The following SSBP2 variants were observed in gnomAD, a reference collection of about 807,000 sequenced individuals.
The protein encoded by SSBP2 is single stranded DNA binding protein 2.
In SSBP2, 17 loss-of-function variants were observed where a neutral mutation model predicts 61.8. That is an observed-to-expected ratio of 0.28 (90% CI 0.19 to 0.41). SSBP2 has a LOEUF of 0.41. Among genes scored for constraint, SSBP2 ranks in the 10% least tolerant of loss-of-function variants. The probability of loss-of-function intolerance (pLI) is 1.00; values close to 1 mark genes in which losing one functional copy is unlikely to be tolerated. For missense variants in SSBP2, 310 were observed against 458.7 expected (o/e 0.68, Z 2.96); for synonymous variants, 139 against 141.3 (o/e 0.98, Z 0.12).
At chr5:81,452,548 G>T (rs1441391398) in intron 10 of SSBP2, among the ~76,000 whole-genome samples, 2 of 152,230 alleles carry the variant, frequency 1.3e-5, no homozygotes, top group Non-Finnish European at 2.9e-5. Context: ...TGCTGATGAA[G>T]ATAAGCAAGA....
chr5:81,547,579 G>A (rs1285072063), intron 4 of SSBP2, among the ~76,000 whole-genome samples: 1 of 152,048 alleles, frequency 6.6e-6, no homozygotes, highest in Non-Finnish European at 1.5e-5. Context: ...CAATCTTCCT[G>A]CTTCAGCCTT....
At position 81,476,683 on chromosome 5, in the gene SSBP2, A is replaced by G. The variant is rs566911434; in HGVS notation, c.433-2121T>C. On this transcript the variant is annotated intron_variant, in intron 6 of 16. Coordinates refer to ENST00000320672, the MANE Select transcript of SSBP2 (RefSeq NM_012446.5). ...TTCTACACAGTAATTGATTACTTTT[A>G]GTATAAGAGCTATTCTGAGATTGTC... Among the ~76,000 whole-genome samples, 4 of 152,298 alleles carry G rather than the reference A, an allele frequency of 2.6e-5. No individual in the cohort carries two copies. In the East Asian group the frequency reaches 5.8e-4, roughly 22 times the overall value.
At chr5:81,740,871 C>T (rs1262304233) in intron 1 of SSBP2, among the ~76,000 whole-genome samples, 1 of 152,182 alleles carries the variant, frequency 6.6e-6, no homozygotes, top group Admixed American at 6.5e-5. Context: ...ATAATACTAT[C>T]CACCTTTTTA....
intron 5 of SSBP2, among the ~76,000 whole-genome samples, chr5:81,498,802 A>C (rs1402732812): frequency 6.6e-6 from 1 of 152,048 alleles, no homozygotes; most frequent in Non-Finnish European, 1.5e-5. Context: ...TTAAATAAAT[A>C]ATATTGAGAA....
At chr5:81,483,792 C>G (rs1298574076) in intron 6 of SSBP2, among the ~76,000 whole-genome samples, 1 of 151,734 alleles carries the variant, frequency 6.6e-6, no homozygotes, top group East Asian at 1.9e-4. Context: ...CACATTTATA[C>G]TTTTCTTTTT....
Position 81,724,655 on chromosome 5 carries a change from G to A in SSBP2, c.62+26326C>T, listed in dbSNP as rs188090423. 1.1e-4 allele frequency among the ~76,000 whole-genome samples: 16 copies of A among 152,088 alleles called. No individual in the cohort carries two copies. In the East Asian group the frequency reaches 3.1e-3, roughly 29 times the overall value. On this transcript the variant is annotated intron_variant, in intron 1 of 16. Transcript: ENST00000320672. ...AAAGGTAAACTCCTAAGAAATTACA[G>A]ACCCAAATATAAAATATAAAATTAT...
intron 4 of SSBP2, among the ~76,000 whole-genome samples, chr5:81,569,598 C>CA (rs374117005): frequency 4.6e-5 from 7 of 152,116 alleles, no homozygotes; most frequent in Admixed American, 6.5e-5. Flanking sequence ...ATCATCATGC[C>CA]AAATCTATGT....
intron 15 of SSBP2, among the ~76,000 whole-genome samples, chr5:81,432,855 G>C (rs1454860154): frequency 4.0e-5 from 6 of 150,652 alleles, no homozygotes; most frequent in Non-Finnish European, 5.9e-5. Flanking sequence ...GGAGGTGAGG[G>C]GCGCCTCTGC....
At chr5:81,658,320 T>C (rs1046135837) in intron 1 of SSBP2, among the ~76,000 whole-genome samples, 2 of 152,204 alleles carry the variant, frequency 1.3e-5, no homozygotes, top group African/African-American at 4.8e-5. Flanking sequence ...GGGTTCCGTG[T>C]GGTTGGATTC....
intron 6 of SSBP2, among the ~76,000 whole-genome samples, chr5:81,487,083 G>A (rs1363581484): frequency 6.6e-6 from 1 of 152,184 alleles, no homozygotes; most frequent in Non-Finnish European, 1.5e-5. Context: ...AAGGAAGAAA[G>A]TGGAAATGAA....
At chr5:81,519,361 C>G (rs1250817910) in intron 4 of SSBP2, among the ~76,000 whole-genome samples, 1 of 152,108 alleles carries the variant, frequency 6.6e-6, no homozygotes, top group East Asian at 1.9e-4. Context: ...CATATATACA[C>G]TACTTTTACA....
chr5:81,666,572 G>A (rs2153766250), intron 1 of SSBP2, among the ~76,000 whole-genome samples: 2 of 151,854 alleles, frequency 1.3e-5, no homozygotes, highest in South Asian at 2.1e-4. Context: ...AACTGAAAAG[G>A]GCAAAGGCAT....
At chr5:81,585,986 T>C (rs575453099) in intron 4 of SSBP2, among the ~76,000 whole-genome samples, 28 of 152,330 alleles carry the variant, frequency 1.8e-4, no homozygotes, top group African/African-American at 6.0e-4. Context: ...CCTTTCTTTT[T>C]AAGGCTGACT....
At chr5:81,558,702 C>T (rs983905811) in intron 4 of SSBP2, among the ~76,000 whole-genome samples, 2 of 152,148 alleles carry the variant, frequency 1.3e-5, no homozygotes, top group African/African-American at 4.8e-5. Flanking sequence ...AATATAAAAG[C>T]TTGGTTAAAC....
chr5:81,449,570 GC>G (rs1181571772), intron 10 of SSBP2, among the ~76,000 whole-genome samples: 1 of 152,094 alleles, frequency 6.6e-6, no homozygotes, highest in Non-Finnish European at 1.5e-5. Context: ...GACAGCCAGG[GC>G]CAGAATAGGA....
chr5:81,637,321 T>C (rs1336784961), intron 2 of SSBP2, among the ~76,000 whole-genome samples: 2 of 152,244 alleles, frequency 1.3e-5, no homozygotes, highest in Non-Finnish European at 2.9e-5. Context: ...TTCCTTTTGG[T>C]GCCTCAGCCC....
At chr5:81,636,729 C>G in intron 2 of SSBP2, 111 bp from the exon 3 acceptor site, 1 of 872,718 alleles carries the variant, frequency 1.1e-6, no homozygotes, top group South Asian at 2.2e-5. Context: ...AATTTTTCAT[C>G]ATTTTCATGA....
intron 2 of SSBP2, among the ~76,000 whole-genome samples, chr5:81,638,906 GTT>G (rs1466673526): frequency 6.6e-6 from 1 of 152,154 alleles, no homozygotes; most frequent in Non-Finnish European, 1.5e-5. Flanking sequence ...TTAGTGCCCT[GTT>G]ACACTGAGTT....
At chr5:81,673,120 C>T (rs1027699151) in intron 1 of SSBP2, among the ~76,000 whole-genome samples, 1 of 152,168 alleles carries the variant, frequency 6.6e-6, no homozygotes, top group African/African-American at 2.4e-5. Flanking sequence ...GAATTACAGG[C>T]ATGAGCCACC....
Sources: gnomAD v4.1 joint callset for allele counts (sites outside exome capture counted in the v4.1 genomes callset) on GRCh38, gnomAD v4.1.1 for gene constraint, MANE v1.5 for transcripts, NCBI Gene and HGNC (gene_info 2026-07-23, HGNC 2026-07-21) for gene names.